The following CNTNAP1 variants were observed in gnomAD, a reference collection of about 807,000 sequenced individuals.
CNTNAP1 encodes the protein contactin associated protein 1.
In CNTNAP1, 80 loss-of-function variants were observed where a neutral mutation model predicts 161.5. The ratio of observed to expected loss-of-function variants is 0.50; its 90% CI spans 0.41 to 0.60. The LOEUF (loss-of-function observed/expected upper bound fraction) is 0.60. Ranked by LOEUF, CNTNAP1 falls within the 20% of genes least tolerant of loss-of-function variation. CNTNAP1 has a pLI of 0.00. For synonymous variants in CNTNAP1, 695 were observed against 733.1 expected (o/e 0.95, Z 0.84); for missense variants, 1,464 against 1,854.8 (o/e 0.79, Z 3.87).
At position 42,689,579 on chromosome 17, in the gene CNTNAP1, A is replaced by T. The variant is rs780839001; in HGVS notation, c.1687A>T (p.Ile563Phe). The change falls in exon 11 of 24, where the codon ATT becomes TTT. Residue 563 changes from isoleucine to phenylalanine, a missense_variant. By Grantham distance (21) the Ile-to-Phe change is conservative (BLOSUM62 0). Transcript: ENST00000264638. ...CTGCTACCAGTCTTGGGATGACTTCATTTGCTACTGCGAACTGACGGGCTA... is the reference window on the plus strand; with the variant it reads ...CTGCTACCAGTCTTGGGATGACTTCTTTTGCTACTGCGAACTGACGGGCTA... ...GRCYQSWDDF[I>F]CYCELTGYKG... 2 of 1,613,826 alleles carry T rather than the reference A, an allele frequency of 1.2e-6. No homozygotes were observed. The highest frequency in any genetic ancestry group is 3.3e-5 in the Admixed American group (2 of 60,002).
chr17:42,697,926 G>A lies in CNTNAP1; in HGVS notation c.3838G>A (p.Gly1280Arg), dbSNP rs1420435184. Reference protein sequence around the residue: ...PPDFPYYHDEGWVAILLGFLV... With the variant: ...PPDFPYYHDERWVAILLGFLV... The stretch of plus-strand genomic sequence containing the variant: ...AGACTTCCCCTACTACCATGATGAA[G>A]GATGGGTTGCCATACTTTTAGGCTG... The change falls in exon 23 of 24, where the codon GGA becomes AGA. Residue 1280 changes from glycine (G) to arginine (R), a missense_variant. Coordinates refer to ENST00000264638, the MANE Select transcript of CNTNAP1 (RefSeq NM_003632.3). The A allele has an allele frequency of 6.2e-7, 1 of 1,614,202 alleles. No individual in the cohort carries two copies. Among genetic ancestry groups the A allele is most frequent in the Non-Finnish European group, 8.5e-7 (1 of 1,180,030 alleles).
Position 42,685,356 on chromosome 17 carries a change from C to G in CNTNAP1, c.651C>G (p.Gly217=). 1 of 1,609,148 alleles carries G rather than the reference C, an allele frequency of 6.2e-7. No homozygotes were observed. The highest frequency in any genetic ancestry group is 8.5e-7 in the Non-Finnish European group (1 of 1,179,990). The change falls in exon 5 of 24, where the codon GGC becomes GGG. Residue 217 remains glycine (G), a synonymous_variant. Transcript: ENST00000264638. This position sits in a 1 kb window ranked among gnomAD's most constrained non-coding sequence, Gnocchi z 5.0. ...ACGGTCTTCTGCTGCACGCCGAGGG[C>G]GCCCAGGGCGACTACGTGACGCTCG... The part of the protein sequence containing the change: ...EKDGLLLHAE[G]AQGDYVTLEL...
intron 18 of CNTNAP1, among the ~76,000 whole-genome samples, chr17:42,694,969 C>G (rs138357417): frequency 6.6e-6 from 1 of 152,138 alleles, no homozygotes; most frequent in African/African-American, 2.4e-5. Flanking sequence ...TACATGGGGT[C>G]AGGATATCCC....
chr17:42,695,481 A>T, intron 18 of CNTNAP1, 40 bp from the exon 19 acceptor site: 1 of 1,485,148 alleles, frequency 6.7e-7, no homozygotes, highest in Non-Finnish European at 9.3e-7. Context: ...TTGGGGAGTG[A>T]GCAGTGTGGG....
chr17:42,682,555 G>A lies in CNTNAP1; in HGVS notation c.-275G>A, dbSNP rs1253821717. On this transcript the variant is annotated 5_prime_UTR_variant, in exon 1 of 24. Transcript: ENST00000264638. ...GGAAACCGGCGCGTGCCAGGAGACAGAGGCTGGGGAAGGGGGGAGGTGAGA... is the reference window on the plus strand; with the variant it reads ...GGAAACCGGCGCGTGCCAGGAGACAAAGGCTGGGGAAGGGGGGAGGTGAGA... 3.9e-6 allele frequency: 2 copies of A among 509,706 alleles called. No homozygotes were observed. The allele number at this position is 509,706 out of a possible 1,614,324, so 31.6% of individuals were successfully genotyped here.
At chr17:42,690,365 A>G (rs2053069006) in intron 12 of CNTNAP1, among the ~76,000 whole-genome samples, 158 bp downstream of exon 12, 1 of 151,886 alleles carries the variant, frequency 6.6e-6, no homozygotes, top group African/African-American at 2.4e-5. Context: ...GTAAATCCCA[A>G]GCCAGGCGTG....
chr17:42,682,642 G>C lies in CNTNAP1; in HGVS notation c.-188G>C, dbSNP rs2052949482. On this transcript the variant is annotated 5_prime_UTR_variant, in exon 1 of 24. Transcript: ENST00000264638. ...AGCGGAGGACCAGGAACCAGAGAGAGAGAGAGAGAAAAGAGAGAGGAGAGA... is the reference window on the plus strand; with the variant it reads ...AGCGGAGGACCAGGAACCAGAGAGACAGAGAGAGAAAAGAGAGAGGAGAGA... The C allele has an allele frequency of 1.6e-6, 1 of 618,622 alleles. No individual in the cohort carries two copies. The highest frequency in any genetic ancestry group is 1.9e-5 in the South Asian group (1 of 53,282). The allele number at this position is 618,622 out of a possible 1,614,324, so 38.3% of individuals were successfully genotyped here.
At position 42,690,849 on chromosome 17, in the gene CNTNAP1, T is replaced by C. The variant is rs2053076938; in HGVS notation, c.1966T>C (p.Trp656Arg). 2 of 1,614,248 alleles carry C rather than the reference T, an allele frequency of 1.2e-6. No individual in the cohort carries two copies. The highest frequency in any genetic ancestry group is 1.7e-6 in the Non-Finnish European group (2 of 1,180,042). ...GGCTATCCAGTACTGGAATGCATCCTGGGAGGAAGTCAGTGCCCTTGCCAA... is the reference window on the plus strand; with the variant it reads ...GGCTATCCAGTACTGGAATGCATCCCGGGAGGAAGTCAGTGCCCTTGCCAA... Reference protein sequence around the residue: ...LGAIQYWNASWEEVSALANAS... With the variant: ...LGAIQYWNASREEVSALANAS... Residue 656 changes from tryptophan (W) to arginine (R), a missense_variant, in exon 13 of 24, where the codon TGG (tryptophan) becomes CGG (arginine). By Grantham distance (101) the Trp-to-Arg change is moderately radical. Around this residue, in one of 3 missense-constraint regions of CNTNAP1, gnomAD observed 1,383 missense variants for 1,765.0 expected, o/e 0.78. Transcript: ENST00000264638.
At position 42,690,726 on chromosome 17, in the gene CNTNAP1, T is replaced by A; in HGVS notation, c.1856-13T>A. ...CAACTCCAGCCAAAGCTCTGTCCCC[T>A]CTTGTCTGCCAGAGAACCGAGCGTG... On this transcript the variant is annotated splice_polypyrimidine_tract_variant and intron_variant, in intron 12 of 23. Transcript: ENST00000264638. 6.2e-7 allele frequency: 1 copy of A among 1,612,002 alleles called. No homozygotes were observed. The highest frequency in any genetic ancestry group is 1.7e-5 in the Admixed American group (1 of 59,960).
rs553715371 is a variant in CNTNAP1, at chr17:42,697,548, T to C, written c.3569-6T>C. 3.7e-6 allele frequency: 6 copies of C among 1,613,846 alleles called. No individual in the cohort carries two copies. The East Asian group carries it at 1.1e-4, about 30-fold the overall frequency. ...GTCCCTCTTTCTGGGCCTGCCTCTC[T>C]CTCAGAGACAGGAGTCATTGACCCG... On this transcript the variant is annotated splice_polypyrimidine_tract_variant and splice_region_variant and intron_variant, in intron 21 of 23. Transcript: ENST00000264638.
At chr17:42,683,752 A>G in intron 1 of CNTNAP1, 69 bp from the exon 2 acceptor site, 1 of 1,539,968 alleles carries the variant, frequency 6.5e-7, no homozygotes, top group Non-Finnish European at 8.7e-7. Flanking sequence ...TTCGGTCGCT[A>G]AGTGGGCCGG....
chr17:42,686,382 A>AAG (rs2053008119), intron 6 of CNTNAP1, among the ~76,000 whole-genome samples: 2 of 151,004 alleles, frequency 1.3e-5, no homozygotes, highest in Non-Finnish European at 2.9e-5. Context: ...CTATTTAAAA[A>AAG]AATTTTTTTT....
rs2052953487 is a variant in CNTNAP1, at chr17:42,682,845, C to A, written c.16C>A (p.Leu6Ile). 7 of 1,589,290 alleles carry A rather than the reference C, an allele frequency of 4.4e-6. No individual in the cohort carries two copies. In the South Asian group the frequency reaches 8.0e-5, roughly 18 times the overall value. Residue 6 changes from leucine (L) to isoleucine (I), a missense_variant, in exon 1 of 24, where the codon CTC becomes ATC. This residue lies in a region of CNTNAP1 where 77 missense variants were observed against 73.6 expected (regional missense o/e 1.05). Coordinates refer to ENST00000264638, the MANE Select transcript of CNTNAP1 (RefSeq NM_003632.3). MMHLR[L>I]FCILLAAVSG... ...TCAGCCCTGCATGATGCATCTCCGG[C>A]TCTTCTGCATCCTGCTCGCCGCGGT...
Position 42,689,023 on chromosome 17 carries a change from T to C in CNTNAP1, c.1604T>C (p.Phe535Ser). 1 of 1,598,074 alleles carries C rather than the reference T, an allele frequency of 6.3e-7. No individual in the cohort carries two copies. The change falls in exon 10 of 24, where the codon TTT becomes TCT. Residue 535 changes from phenylalanine (F) to serine (S), a missense_variant. Physicochemically the swap from Phe to Ser is radical, Grantham distance 155. This residue lies in a region of CNTNAP1 where 1,383 missense variants were observed against 1,765.0 expected (regional missense o/e 0.78). Coordinates refer to ENST00000264638, the MANE Select transcript of CNTNAP1 (RefSeq NM_003632.3). ...CTTGGATTCTATGCTGAGGTCCTCT[T>C]TGATACATGTGGCATCACTGATAGG... ...RRLGFYAEVL[F>S]DTCGITDRCS... is the part of the protein sequence containing the mutation.
Position 42,698,816 on chromosome 17 carries a change from C to CCCCAGCCCCAA in CNTNAP1, c.4062_4063insCCAGCCCCAAC (p.Ser1355ProfsTer128). 4 of 1,607,308 alleles carry CCCCAGCCCCAA rather than the reference C, an allele frequency of 2.5e-6. No individual in the cohort carries two copies. The South Asian group carries it at 4.4e-5, about 18-fold the overall frequency. ...ACAGCAGCTCCCAACCAAGCTCCAG[C>CCCCAGCCCCAA]CTCAGCCCCAGCCCCAGCCCCAACT... On this transcript the variant is annotated frameshift_variant, in exon 24 of 24. Transcript: ENST00000264638. LOFTEE classifies it high-confidence loss of function.
At chr17:42,696,524 T>A (rs1416047209) in intron 20 of CNTNAP1, among the ~76,000 whole-genome samples, 1 of 152,138 alleles carries the variant, frequency 6.6e-6, no homozygotes, top group African/African-American at 2.4e-5. Context: ...GAGTTCTCCA[T>A]GTTGGTCAGG....
At position 42,690,148 on chromosome 17, in the gene CNTNAP1, C is replaced by T; in HGVS notation, c.1796C>T (p.Thr599Ile). ...RLSGKTSGNF[T>I]IDPDGSGPLK... ...AGTGGGAAAACTTCTGGAAACTTCA[C>T]CATTGATCCTGATGGCAGTGGCCCC... The change falls in exon 12 of 24, where the codon ACC becomes ATC. Residue 599 changes from threonine (T) to isoleucine (I), a missense_variant. By Grantham distance (89) the Thr-to-Ile change is moderately conservative. This residue lies in a region of CNTNAP1 where 1,383 missense variants were observed against 1,765.0 expected (regional missense o/e 0.78). Coordinates refer to ENST00000264638, the MANE Select transcript of CNTNAP1 (RefSeq NM_003632.3). 1.2e-6 allele frequency: 2 copies of T among 1,614,016 alleles called. No homozygotes were observed. The highest frequency in any genetic ancestry group is 1.1e-5 in the South Asian group (1 of 91,082).
In CNTNAP1 at chr17:42,686,966, G is replaced by C. The variant is rs1029584700; in HGVS notation, c.964G>C (p.Gly322Arg). The change falls in exon 7 of 24, where the codon GGC (glycine) becomes CGC (arginine). Residue 322 changes from glycine to arginine, a missense_variant. By Grantham distance (125) the Gly-to-Arg change is moderately radical. Around this residue, in one of 3 missense-constraint regions of CNTNAP1, gnomAD observed 1,383 missense variants for 1,765.0 expected, o/e 0.78. Coordinates refer to ENST00000264638, the MANE Select transcript of CNTNAP1 (RefSeq NM_003632.3). ...KNLAYRHNFR[G>R]CIENVIFNRV... Reference sequence around the variant, plus strand: ...CCTGGCCTATCGGCATAACTTCCGCGGCTGCATAGAAAACGTAATCTTCAA... The same window carrying C: ...CCTGGCCTATCGGCATAACTTCCGCCGCTGCATAGAAAACGTAATCTTCAA... 5 of 1,613,990 alleles carry C rather than the reference G, an allele frequency of 3.1e-6. No homozygotes were observed. Among genetic ancestry groups the C allele is most frequent in the Non-Finnish European group, 4.2e-6 (5 of 1,179,944 alleles).
At position 42,687,879 on chromosome 17, in the gene CNTNAP1, C is replaced by T. The variant is rs372495374; in HGVS notation, c.1204C>T (p.Arg402Cys). 1 of 1,614,108 alleles carries T rather than the reference C, an allele frequency of 6.2e-7. No homozygotes were observed. The highest frequency in any genetic ancestry group is 8.5e-7 in the Non-Finnish European group (1 of 1,180,050). The change falls in exon 8 of 24, where the codon CGT (arginine) becomes TGT (cysteine). Residue 402 changes from arginine (R) to cysteine (C), a missense_variant. Physicochemically the swap from Arg to Cys is radical, Grantham distance 180. Around this residue, in one of 3 missense-constraint regions of CNTNAP1, gnomAD observed 1,383 missense variants for 1,765.0 expected, o/e 0.78. Transcript: ENST00000264638. This position sits in a 1 kb window ranked among gnomAD's most constrained non-coding sequence, Gnocchi z 4.7. ...CCTCACCGGGCTTCTCCTTTTCTCC[C>T]GTCTGGGGGACGGGCTGGGCCACGT... ...WDLTGLLLFS[R>C]LGDGLGHVEL...
Sources: gnomAD v4.1 joint callset for allele counts (sites outside exome capture counted in the v4.1 genomes callset) on GRCh38, gnomAD v4.1.1 for gene constraint, gnomAD v4.1.1 regional missense constraint, Gnocchi (gnomAD v3.1) non-coding constraint, MANE v1.5 for transcripts, NCBI Gene and HGNC (gene_info 2026-07-23, HGNC 2026-07-21) for gene names.